Variants in LRRC37A2 observed in about 807,000 individuals in gnomAD.
LRRC37A2 encodes leucine rich repeat containing 37 member A2, also known as leucine-rich repeat-containing protein 37A2.
A neutral mutation model predicts 68.8 loss-of-function variants in LRRC37A2; 9 were observed. The observed-to-expected ratio is 0.13, with a 90% CI of 0.08 to 0.23. The LOEUF is 0.23. Ranked by LOEUF, LRRC37A2 falls within the 10% of genes least tolerant of loss-of-function variation. The pLI, the probability that LRRC37A2 is intolerant of heterozygous loss-of-function variation, is 1.00. For missense variants in LRRC37A2, 168 were observed against 950.4 expected (o/e 0.18, Z 10.82); for synonymous variants, 63 against 367.6 (o/e 0.17, Z 9.48).
At chr17:46,901,405 G>A in the LRRC37A2 span, among the ~76,000 whole-genome samples, 44 of 151,842 alleles carry the variant, frequency 2.9e-4, no homozygotes, top group Non-Finnish European at 4.4e-4. Context: ...CAGGTGATCC[G>A]CCTGCCTCAG....
At chr17:46,912,024 A>G in the LRRC37A2 span, among the ~76,000 whole-genome samples, 1 of 152,146 alleles carries the variant, frequency 6.6e-6, no homozygotes, top group Non-Finnish European at 1.5e-5. Context: ...GCCAACCCCC[A>G]TCGCTTGATG....
chr17:46,709,211 A>T, the LRRC37A2 span, among the ~76,000 whole-genome samples: 2 of 152,120 alleles, frequency 1.3e-5, no homozygotes, highest in Non-Finnish European at 2.9e-5. Flanking sequence ...TTTTATTACT[A>T]TTGTGACTTT....
At chr17:46,794,382 G>A in the LRRC37A2 span, among the ~76,000 whole-genome samples, 1 of 152,178 alleles carries the variant, frequency 6.6e-6, no homozygotes, top group Non-Finnish European at 1.5e-5. Flanking sequence ...GGCCCTATAT[G>A]CAGGCTGGAT....
chr17:46,956,277 C>CTTT, the LRRC37A2 span, among the ~76,000 whole-genome samples: 1 of 62,656 alleles, frequency 1.6e-5, no homozygotes, highest in African/African-American at 6.1e-5. Flanking sequence ...CTTGCCAGTC[C>CTTT]TTTTTTTTTT....
the LRRC37A2 span, among the ~76,000 whole-genome samples, chr17:46,712,574 T>C: frequency 6.6e-6 from 1 of 152,198 alleles, no homozygotes. Flanking sequence ...AAGGGTCATA[T>C]AGGAGAAGTA....
At chr17:46,912,114 C>A in the LRRC37A2 span, among the ~76,000 whole-genome samples, 1 of 152,142 alleles carries the variant, frequency 6.6e-6, no homozygotes, top group Non-Finnish European at 1.5e-5. Flanking sequence ...AGCCTCATGC[C>A]ACCTCTGCCT....
chr17:46,930,249 C>T, the LRRC37A2 span: 1 of 152,364 alleles, frequency 6.6e-6, no homozygotes, highest in African/African-American at 2.4e-5. Flanking sequence ...TCTCAACTGT[C>T]TTTGTTCACT....
the LRRC37A2 span, among the ~76,000 whole-genome samples, chr17:46,735,806 G>A: frequency 2.6e-5 from 4 of 152,210 alleles, no homozygotes; most frequent in Non-Finnish European, 5.9e-5. Context: ...TTAGCTCGAC[G>A]TGGTGGTGTG....
the LRRC37A2 span, chr17:46,876,776 G>A: frequency 6.7e-7 from 1 of 1,483,188 alleles, no homozygotes; most frequent in South Asian, 1.4e-5. Flanking sequence ...CACCCTTCAA[G>A]CTGCCCAGCC....
At chr17:46,992,316 C>T in the LRRC37A2 span, among the ~76,000 whole-genome samples, 8 of 151,926 alleles carry the variant, frequency 5.3e-5, no homozygotes, top group African/African-American at 9.7e-5. Flanking sequence ...TGCAGTGAGC[C>T]GAGACTGTGC....
At chr17:46,497,580 C>T in the LRRC37A2 span, among the ~76,000 whole-genome samples, 5 of 149,716 alleles carry the variant, frequency 3.3e-5, no homozygotes, top group African/African-American at 1.0e-4. Context: ...TCTAGCCCCC[C>T]CTTATAATTG....
At chr17:46,657,526 T>A in the LRRC37A2 span, among the ~76,000 whole-genome samples, 1,348 of 124,482 alleles carry the variant, frequency 0.011, no homozygotes, top group African/African-American at 0.039. Flanking sequence ...ACCTTATGAA[T>A]GTTGTTTCAG....
At chr17:47,012,892 A>G in the LRRC37A2 span, among the ~76,000 whole-genome samples, 1 of 152,224 alleles carries the variant, frequency 6.6e-6, no homozygotes, top group East Asian at 1.9e-4. Flanking sequence ...ATATATCCAC[A>G]CAAAAACTTA....
the LRRC37A2 span, among the ~76,000 whole-genome samples, chr17:46,718,185 C>A: frequency 2.0e-5 from 3 of 152,220 alleles, no homozygotes; most frequent in Non-Finnish European, 4.4e-5. Flanking sequence ...TTGGTGTTTG[C>A]TCTCCCCTGA....
At chr17:46,544,120 TAAAC>T (rs1486577109) in intron 8 of LRRC37A2, among the ~76,000 whole-genome samples, 5 of 102,906 alleles carry the variant, frequency 4.9e-5, no homozygotes, top group Non-Finnish European at 7.1e-5. Flanking sequence ...GGCCTCAAAA[TAAAC>T]AAAAGAAACA....
the LRRC37A2 span, among the ~76,000 whole-genome samples, chr17:47,035,541 T>G: frequency 6.6e-6 from 1 of 152,254 alleles, no homozygotes; most frequent in Non-Finnish European, 1.5e-5. Flanking sequence ...GAGCCATCAC[T>G]ATATCCGTTC....
the LRRC37A2 span, among the ~76,000 whole-genome samples, chr17:46,962,559 A>C: frequency 1.3e-5 from 2 of 152,234 alleles, no homozygotes; most frequent in African/African-American, 2.4e-5. Context: ...GAAAGCTGCC[A>C]TACATCAAGT....
At chr17:46,769,937 T>C in the LRRC37A2 span, 3 of 1,613,278 alleles carry the variant, frequency 1.9e-6, no homozygotes, top group Non-Finnish European at 2.5e-6. Context: ...CGGCCCCTTA[T>C]GATGCGAGTC....
chr17:46,729,555 A>G, the LRRC37A2 span, among the ~76,000 whole-genome samples: 3 of 342 alleles, frequency 8.8e-3, no homozygotes, highest in East Asian at 0.3. Context: ...AAATATGTTA[A>G]ATTATGTAGA....
Sources: allele counts gnomAD v4.1 joint callset (sites outside exome capture counted in the v4.1 genomes callset), GRCh38; gene constraint gnomAD v4.1.1; transcripts MANE v1.5; gene names NCBI Gene and HGNC (gene_info 2026-07-23, HGNC 2026-07-21).